The following SYT17 variants were observed in gnomAD, a reference collection of about 807,000 sequenced individuals.
SYT17 encodes synaptotagmin 17, also known as synaptotagmin-17.
A neutral mutation model predicts 46.7 loss-of-function variants in SYT17; 22 were observed. That is an observed-to-expected ratio of 0.47 (90% CI 0.34 to 0.67). SYT17 has a LOEUF of 0.67. Among genes scored for constraint, SYT17 ranks in the 30% least tolerant of loss-of-function variants. SYT17 has a pLI of 0.01. For synonymous variants in SYT17, 251 were observed against 248.4 expected, an observed-to-expected ratio of 1.01 and a Z score of -0.10; for missense variants, 519 against 612.8, an observed-to-expected ratio of 0.85 and a Z score of 1.62.
chr16:19,265,736 T>C (rs542702676), intron 7 of SYT17, among the ~76,000 whole-genome samples: 1 of 152,360 alleles, frequency 6.6e-6, no homozygotes, highest in South Asian at 2.1e-4. Context: ...ATGCCTGGAC[T>C]ACCCACACAC....
rs369054357 is a variant in SYT17, at chr16:19,268,217, CTCTCTCTCT to C, written c.*1142_*1150del. 0.5 allele frequency: 76,085 copies of C among 151,310 alleles called. 20,244 individuals carry two copies. The highest frequency in any genetic ancestry group is 0.96 in the East Asian group (4,930 of 5,120). The allele number at this position is 151,310 out of a possible 1,614,324, so 9.4% of individuals were successfully genotyped here. On this transcript the variant is annotated 3_prime_UTR_variant, in exon 8 of 8. Coordinates refer to ENST00000355377, the MANE Select transcript of SYT17 (RefSeq NM_016524.4). The stretch of plus-strand genomic sequence containing the variant: ...AATAGATCTCTCTCTCTCTCTCTTT[CTCTCTCTCT>C]CTTTCCTCTCTCTCTGTTGGATGCT...
chr16:19,190,161 C>T (rs1964954840), intron 5 of SYT17, among the ~76,000 whole-genome samples: 1 of 152,152 alleles, frequency 6.6e-6, no homozygotes, highest in African/African-American at 2.4e-5. Flanking sequence ...GTAGGCTCAA[C>T]TCTTTTAAAA....
chr16:19,200,595 T>C (rs1355241816), intron 5 of SYT17, among the ~76,000 whole-genome samples: 2 of 152,206 alleles, frequency 1.3e-5, no homozygotes, highest in African/African-American at 4.8e-5. Context: ...CTCCATGGAC[T>C]GAGGTCACTC....
At chr16:19,245,392 A>T (rs1432960055) in intron 7 of SYT17, among the ~76,000 whole-genome samples, 1 of 152,184 alleles carries the variant, frequency 6.6e-6, no homozygotes, top group African/African-American at 2.4e-5. Context: ...GCCAAAGTGA[A>T]GAAACCCTGA....
chr16:19,175,024 G>A (rs1379935860), intron 3 of SYT17, among the ~76,000 whole-genome samples: 2 of 152,188 alleles, frequency 1.3e-5, no homozygotes, highest in South Asian at 4.1e-4. Context: ...AGCTACTCTG[G>A]AGGCTGAGGT....
At chr16:19,220,318 T>TTTTTTTTTTTA (rs1227564349) in intron 5 of SYT17, among the ~76,000 whole-genome samples, 1 of 146,144 alleles carries the variant, frequency 6.8e-6, no homozygotes, top group Non-Finnish European at 1.5e-5. Flanking sequence ...TTTTTTTTTT[T>TTTTTTTTTTTA]TTGAGATGAA....
intron 7 of SYT17, among the ~76,000 whole-genome samples, chr16:19,257,640 G>T (rs1203884356): frequency 1.3e-5 from 2 of 152,162 alleles, no homozygotes; most frequent in Non-Finnish European, 2.9e-5. Flanking sequence ...ATGGGCTGTG[G>T]GGACCTCTCG....
chr16:19,209,302 G>A lies in SYT17; in HGVS notation c.952-13743G>A, dbSNP rs901381154. 2.0e-5 allele frequency among the ~76,000 whole-genome samples: 3 copies of A among 152,162 alleles called. 1 individual carries two copies. Among genetic ancestry groups the A allele is most frequent in the African/African-American group, 7.2e-5 (3 of 41,508 alleles). On this transcript the variant is annotated intron_variant, in intron 5 of 7. Coordinates refer to ENST00000355377, the MANE Select transcript of SYT17 (RefSeq NM_016524.4). ...AATAATAGTATCCATAATACTTAAA[G>A]GCCCTTCTAGAAATTAATAAGAGAA...
At chr16:19,241,109 G>A (rs1033132728) in intron 7 of SYT17, among the ~76,000 whole-genome samples, 1 of 151,390 alleles carries the variant, frequency 6.6e-6, no homozygotes, top group Non-Finnish European at 1.5e-5. Context: ...CACTACGCCC[G>A]GCTAATTTTT....
At chr16:19,201,183 G>A (rs1965445408) in intron 5 of SYT17, among the ~76,000 whole-genome samples, 1 of 152,182 alleles carries the variant, frequency 6.6e-6, no homozygotes, top group Non-Finnish European at 1.5e-5. Context: ...GCACAAAGGT[G>A]GTCATGGAGG....
chr16:19,223,298 C>T, intron 6 of SYT17, 133 bp downstream of exon 6: 1 of 1,121,840 alleles, frequency 8.9e-7, no homozygotes, highest in Non-Finnish European at 1.2e-6. Context: ...ATGATGCCAT[C>T]TTAGTAACCC....
At chr16:19,176,035 T>C (rs1260595744) in intron 3 of SYT17, among the ~76,000 whole-genome samples, 2 of 152,150 alleles carry the variant, frequency 1.3e-5, no homozygotes, top group Non-Finnish European at 2.9e-5. Flanking sequence ...ACACCCTGCA[T>C]TCCATATATG....
chr16:19,180,567 G>T, intron 4 of SYT17, 28 bp downstream of exon 4: 1 of 1,612,394 alleles, frequency 6.2e-7, no homozygotes, highest in Non-Finnish European at 8.5e-7. Flanking sequence ...ACCTTTCTGG[G>T]GGCCCTGGCT....
chr16:19,233,566 G>A (rs1458113440), intron 7 of SYT17, among the ~76,000 whole-genome samples: 1 of 152,060 alleles, frequency 6.6e-6, no homozygotes, highest in Non-Finnish European at 1.5e-5. Flanking sequence ...TGAGGTGGGA[G>A]GATCACTTGA....
intron 7 of SYT17, among the ~76,000 whole-genome samples, chr16:19,248,598 A>T (rs1429830594): frequency 6.6e-6 from 1 of 152,150 alleles, no homozygotes; most frequent in Non-Finnish European, 1.5e-5. Context: ...AGGTGGATGG[A>T]TCACTTGAGG....
Position 19,217,677 on chromosome 16 carries a change from G to T in SYT17, c.952-5368G>T, listed in dbSNP as rs545168279. On this transcript the variant is annotated intron_variant, in intron 5 of 7. Coordinates refer to ENST00000355377, the MANE Select transcript of SYT17 (RefSeq NM_016524.4). ...TGAACATCTGCGTACAAGTTTTCATGTGGACATGTTTCCTATTCTCTTAGG... is the reference window on the plus strand; with the variant it reads ...TGAACATCTGCGTACAAGTTTTCATTTGGACATGTTTCCTATTCTCTTAGG... Among the ~76,000 whole-genome samples, 14 of 152,284 alleles carry T rather than the reference G, an allele frequency of 9.2e-5. No homozygotes were observed. The East Asian group carries it at 2.7e-3, about 29-fold the overall frequency.
At chr16:19,219,755 C>A (rs1303581430) in intron 5 of SYT17, among the ~76,000 whole-genome samples, 1 of 152,160 alleles carries the variant, frequency 6.6e-6, no homozygotes, top group Non-Finnish European at 1.5e-5. Flanking sequence ...GTGTGCTATC[C>A]ATCCCCCCCA....
chr16:19,231,523 C>CAAAAAAA (rs143448107), intron 7 of SYT17, among the ~76,000 whole-genome samples: 570 of 45,134 alleles, frequency 0.013, 2 homozygotes, highest in Non-Finnish European at 0.015. Flanking sequence ...AACTCCATCA[C>CAAAAAAA]AAAAAAAAAA....
intron 7 of SYT17, among the ~76,000 whole-genome samples, chr16:19,238,698 G>T (rs1044056213): frequency 3.3e-5 from 5 of 152,172 alleles, no homozygotes; most frequent in Non-Finnish European, 1.5e-5. Context: ...GGAGAGCATC[G>T]GGGAGCTGAG....
Sources: gnomAD v4.1 joint callset for allele counts (sites outside exome capture counted in the v4.1 genomes callset) on GRCh38, gnomAD v4.1.1 for gene constraint, MANE v1.5 for transcripts, NCBI Gene and HGNC (gene_info 2026-07-23, HGNC 2026-07-21) for gene names.